CTNNA2: variants seen among roughly 807,000 people sequenced by gnomAD.
CTNNA2 encodes catenin alpha-2.
CTNNA2 carries 42 observed loss-of-function variants against 101.0 expected under a neutral mutation model. The ratio of observed to expected loss-of-function variants is 0.42; its 90% CI spans 0.32 to 0.54. CTNNA2 has a LOEUF of 0.54. Among genes scored for constraint, CTNNA2 ranks in the 20% least tolerant of loss-of-function variants. The pLI, the probability that CTNNA2 is intolerant of heterozygous loss-of-function variation, is 0.14. For synonymous variants in CTNNA2, 450 were observed against 456.4 expected (o/e 0.99, Z 0.18); for missense variants, 871 against 1,223.1 (o/e 0.71, Z 4.29).
intron 9 of CTNNA2, among the ~76,000 whole-genome samples, chr2:80,475,544 G>A (rs750006086): frequency 1.6e-4 from 24 of 152,076 alleles, no homozygotes; most frequent in Non-Finnish European, 2.8e-4. Flanking sequence ...CCTTGTGTGG[G>A]CATCAGGAAA....
chr2:80,111,997 A>C (rs1438073520), intron 7 of CTNNA2, among the ~76,000 whole-genome samples: 2 of 152,224 alleles, frequency 1.3e-5, no homozygotes, highest in Non-Finnish European at 2.9e-5. Context: ...TAGTTGAAAG[A>C]GATGCAAATG....
At chr2:79,694,128 CTT>C (rs2104717770) in intron 2 of CTNNA2, among the ~76,000 whole-genome samples, 1 of 152,030 alleles carries the variant, frequency 6.6e-6, no homozygotes, top group East Asian at 1.9e-4. Context: ...CAACCACAAA[CTT>C]AATGTTTTTT....
At chr2:80,075,092 T>C (rs926709142) in intron 7 of CTNNA2, among the ~76,000 whole-genome samples, 1 of 152,200 alleles carries the variant, frequency 6.6e-6, no homozygotes, top group African/African-American at 2.4e-5. Context: ...GTGTTTGCAC[T>C]TCTATCCCTG....
At chr2:79,752,100 G>A (rs1672084753) in intron 3 of CTNNA2, among the ~76,000 whole-genome samples, 1 of 152,094 alleles carries the variant, frequency 6.6e-6, no homozygotes, top group Non-Finnish European at 1.5e-5. Flanking sequence ...AGATGAATGG[G>A]GAGGACCACC....
At chr2:80,275,242 A>G (rs893898700) in intron 7 of CTNNA2, among the ~76,000 whole-genome samples, 6 of 152,198 alleles carry the variant, frequency 3.9e-5, no homozygotes, top group Non-Finnish European at 7.3e-5. Context: ...TCTTTTGTTG[A>G]TCATACCAAA....
At chr2:79,292,023 G>C (rs1204572520) in intron 2 of CTNNA2, among the ~76,000 whole-genome samples, 3 of 152,040 alleles carry the variant, frequency 2.0e-5, no homozygotes, top group African/African-American at 7.2e-5. Context: ...TCACCTGTGG[G>C]GGTGGTTGAT....
intron 1 of CTNNA2, among the ~76,000 whole-genome samples, chr2:79,592,305 T>A (rs188413551): frequency 6.6e-6 from 1 of 151,986 alleles, no homozygotes; most frequent in East Asian, 1.9e-4. Context: ...TTTAATTTTG[T>A]ATTTTTAGTA....
chr2:79,339,714 C>G (rs1677085701), intron 3 of CTNNA2: 1 of 152,248 alleles, frequency 6.6e-6, no homozygotes, highest in East Asian at 1.9e-4. Context: ...TTGATTCTAA[C>G]TTCAGTTGAG....
chr2:79,423,386 G>A (rs547831718), intron 4 of CTNNA2, among the ~76,000 whole-genome samples: 1 of 152,090 alleles, frequency 6.6e-6, no homozygotes, highest in South Asian at 2.1e-4. Context: ...AAAACAAATG[G>A]CCAGCTGAGT....
chr2:79,324,764 CAT>C (rs1178985492), intron 3 of CTNNA2, among the ~76,000 whole-genome samples: 3 of 150,558 alleles, frequency 2.0e-5, no homozygotes, highest in Admixed American at 1.3e-4. Flanking sequence ...ACACACTACA[CAT>C]GTGTCAGTCA....
chr2:80,152,317 G>T (rs75860182), intron 7 of CTNNA2, among the ~76,000 whole-genome samples: 3 of 143,238 alleles, frequency 2.1e-5, no homozygotes, highest in Non-Finnish European at 4.6e-5. Flanking sequence ...GCCACTTGAT[G>T]TTTTTTTTTT....
chr2:80,448,570 G>A (rs916310283), intron 9 of CTNNA2, among the ~76,000 whole-genome samples: 1 of 152,136 alleles, frequency 6.6e-6, no homozygotes, highest in African/African-American at 2.4e-5. Flanking sequence ...CTGGGGCCTG[G>A]GTGTCACTAA....
At chr2:79,461,257 G>A (rs976642715) in intron 4 of CTNNA2, among the ~76,000 whole-genome samples, 2 of 152,202 alleles carry the variant, frequency 1.3e-5, no homozygotes, top group African/African-American at 4.8e-5. Context: ...TAAGACACAA[G>A]AAATGTGCTT....
intron 7 of CTNNA2, among the ~76,000 whole-genome samples, chr2:80,027,861 T>C (rs1695032509): frequency 6.7e-6 from 1 of 149,898 alleles, no homozygotes; most frequent in Non-Finnish European, 1.5e-5. Context: ...TAGTCCCAGC[T>C]ACTGGGAAGG....
At chr2:80,140,135 G>A (rs994989395) in intron 7 of CTNNA2, among the ~76,000 whole-genome samples, 6 of 152,160 alleles carry the variant, frequency 3.9e-5, no homozygotes, top group Non-Finnish European at 7.4e-5. Flanking sequence ...GACCAATAAA[G>A]CTACGAGTGA....
At chr2:79,828,761 A>G (rs1215852796) in intron 3 of CTNNA2, among the ~76,000 whole-genome samples, 1 of 152,250 alleles carries the variant, frequency 6.6e-6, no homozygotes, top group East Asian at 1.9e-4. Flanking sequence ...TCAACTAACA[A>G]CATCAGCATC....
At chr2:80,507,002 T>C (rs969680572) in intron 9 of CTNNA2, among the ~76,000 whole-genome samples, 2 of 152,148 alleles carry the variant, frequency 1.3e-5, no homozygotes, top group African/African-American at 2.4e-5. Flanking sequence ...TTGGCACATC[T>C]TAGGTGTTCA....
At chr2:79,388,577 G>A (rs58865211) in intron 4 of CTNNA2, among the ~76,000 whole-genome samples, 10,718 of 152,110 alleles carry the variant, frequency 0.07, 1,142 homozygotes, top group African/African-American at 0.24. Flanking sequence ...ATGATGTGTA[G>A]GCTGGTTGCA....
intron 9 of CTNNA2, among the ~76,000 whole-genome samples, chr2:80,468,427 TA>T (rs1202839800): frequency 2.0e-5 from 3 of 150,470 alleles, no homozygotes; most frequent in African/African-American, 5.0e-5. Context: ...TTTATTTATT[TA>T]TTTTTTTTGA....
Sources: allele counts gnomAD v4.1 joint callset (sites outside exome capture counted in the v4.1 genomes callset), GRCh38; gene constraint gnomAD v4.1.1; transcripts MANE v1.5; gene names NCBI Gene and HGNC (gene_info 2026-07-23, HGNC 2026-07-21).